The following SLC25A21 variants were observed in gnomAD, a reference collection of about 807,000 sequenced individuals.
The protein encoded by SLC25A21 is solute carrier family 25 member 21.
SLC25A21 carries 47 observed loss-of-function variants against 43.8 expected under a neutral mutation model. The observed-to-expected ratio is 1.07, with a 90% CI of 0.85 to 1.37. The LOEUF (loss-of-function observed/expected upper bound fraction) is 1.37, where lower values mean the gene tolerates loss of function less well. SLC25A21 is among the 40% of genes most tolerant of loss of function. The pLI, the probability that SLC25A21 is intolerant of heterozygous loss-of-function variation, is 0.00. For missense variants in SLC25A21, 352 were observed against 350.2 expected (o/e 1.00, Z -0.04); for synonymous variants, 131 against 121.3 (o/e 1.08, Z -0.52).
chr14:37,030,585 T>C (rs527588483), intron 1 of SLC25A21, among the ~76,000 whole-genome samples: 8 of 152,358 alleles, frequency 5.3e-5, no homozygotes, highest in African/African-American at 1.2e-4. Context: ...AGATATTATA[T>C]ACCTTGCTAG....
intron 3 of SLC25A21, among the ~76,000 whole-genome samples, chr14:36,737,525 C>T (rs1885091932): frequency 6.6e-6 from 1 of 152,180 alleles, no homozygotes; most frequent in African/African-American, 2.4e-5. Flanking sequence ...TCAAAGACCA[C>T]AGGCAGCCTT....
At chr14:36,741,110 C>T (rs1885239807) in intron 3 of SLC25A21, among the ~76,000 whole-genome samples, 1 of 151,912 alleles carries the variant, frequency 6.6e-6, no homozygotes, top group Non-Finnish European at 1.5e-5. Flanking sequence ...CTCCTTTTAC[C>T]CCTCTGAGTC....
At chr14:36,960,477 T>A (rs186154993) in intron 1 of SLC25A21, among the ~76,000 whole-genome samples, 15 of 152,256 alleles carry the variant, frequency 9.9e-5, no homozygotes, top group Admixed American at 9.8e-4. Context: ...ATAGTAAGAT[T>A]TGCATGTAAT....
chr14:37,035,315 G>A (rs1387202239), intron 1 of SLC25A21, among the ~76,000 whole-genome samples: 3 of 152,130 alleles, frequency 2.0e-5, no homozygotes, highest in South Asian at 2.1e-4. Flanking sequence ...TTTAAGTGCC[G>A]AAAACACTGG....
intron 2 of SLC25A21, among the ~76,000 whole-genome samples, chr14:36,816,012 C>G (rs1888443273): frequency 6.6e-6 from 1 of 152,122 alleles, no homozygotes. Flanking sequence ...TTTTATAGTT[C>G]TAGGCCTCAC....
At chr14:36,892,074 T>C (rs555835153) in intron 1 of SLC25A21, among the ~76,000 whole-genome samples, 1 of 152,218 alleles carries the variant, frequency 6.6e-6, no homozygotes, top group African/African-American at 2.4e-5. Context: ...ACATTATGTG[T>C]CCAAACATAG....
At chr14:36,913,426 C>T (rs1891743784) in intron 1 of SLC25A21, among the ~76,000 whole-genome samples, 1 of 152,152 alleles carries the variant, frequency 6.6e-6, no homozygotes, top group Non-Finnish European at 1.5e-5. Context: ...CAGGCTCAGG[C>T]CAACACACCC....
chr14:37,038,511 T>C (rs1024063041), intron 1 of SLC25A21, among the ~76,000 whole-genome samples: 1 of 152,164 alleles, frequency 6.6e-6, no homozygotes, highest in Non-Finnish European at 1.5e-5. Flanking sequence ...CATGAATACA[T>C]TCAGTCTTTT....
intron 1 of SLC25A21, among the ~76,000 whole-genome samples, chr14:36,969,673 A>G (rs1375114127): frequency 2.0e-5 from 3 of 151,706 alleles, no homozygotes; most frequent in Non-Finnish European, 4.4e-5. Context: ...AAAAAAATTT[A>G]TGGAGATGGG....
At chr14:36,860,379 G>A (rs902816828) in intron 2 of SLC25A21, among the ~76,000 whole-genome samples, 1 of 152,204 alleles carries the variant, frequency 6.6e-6, no homozygotes, top group Non-Finnish European at 1.5e-5. Context: ...AAGCCTCCAA[G>A]ACCATGTAGG....
intron 1 of SLC25A21, among the ~76,000 whole-genome samples, chr14:37,018,817 C>G (rs1960920361): frequency 6.6e-6 from 1 of 151,954 alleles, no homozygotes; most frequent in Non-Finnish European, 1.5e-5. Flanking sequence ...AATTTCAACA[C>G]AAATGACTTC....
chr14:36,874,124 G>A (rs1486534457), intron 2 of SLC25A21, among the ~76,000 whole-genome samples: 2 of 152,216 alleles, frequency 1.3e-5, no homozygotes, highest in East Asian at 3.8e-4. Context: ...TTTTTAGGTA[G>A]AGTAAGTAAC....
chr14:36,986,422 C>T lies in SLC25A21; in HGVS notation c.71-111418G>A, dbSNP rs148628967. Among the ~76,000 whole-genome samples the T allele has an allele frequency of 3.1e-3, 469 of 152,258 alleles. 1 individual carries two copies. Among genetic ancestry groups the T allele is most frequent in the African/African-American group, 0.01 (422 of 41,558 alleles). On this transcript the variant is annotated intron_variant, in intron 1 of 9. Coordinates refer to ENST00000331299, the MANE Select transcript of SLC25A21 (RefSeq NM_030631.4). Reference sequence around the variant, plus strand: ...CTGACCCTATTGGACCTCCACTCCACTTGACTGCTTAAGTGACCCTCATAA... The same window carrying T: ...CTGACCCTATTGGACCTCCACTCCATTTGACTGCTTAAGTGACCCTCATAA...
chr14:36,696,432 T>C (rs1304324876), intron 7 of SLC25A21, among the ~76,000 whole-genome samples: 1 of 152,228 alleles, frequency 6.6e-6, no homozygotes, highest in Non-Finnish European at 1.5e-5. Context: ...TAAAATGCGT[T>C]AGGGAGGATT....
chr14:37,062,210 C>A (rs1961962170), intron 1 of SLC25A21, among the ~76,000 whole-genome samples: 1 of 152,122 alleles, frequency 6.6e-6, no homozygotes, highest in South Asian at 2.1e-4. Context: ...TAACTTTCAC[C>A]AATGTGTTGA....
chr14:37,101,242 TACAA>T (rs769234797), intron 1 of SLC25A21, among the ~76,000 whole-genome samples: 12 of 152,338 alleles, frequency 7.9e-5, no homozygotes, highest in South Asian at 2.1e-4. Context: ...AAATTTCCAC[TACAA>T]ACAGTCTATA....
intron 1 of SLC25A21, among the ~76,000 whole-genome samples, chr14:37,162,159 C>T (rs914517025): frequency 1.2e-4 from 19 of 152,034 alleles, no homozygotes; most frequent in Non-Finnish European, 2.2e-4. Context: ...CCAGAAGGAG[C>T]CAACCCTGCC....
At chr14:36,684,974 A>C in intron 7 of SLC25A21, 49 bp from the exon 8 acceptor site, 1 of 1,487,836 alleles carries the variant, frequency 6.7e-7, no homozygotes, top group Non-Finnish European at 9.2e-7. Context: ...GGAAGCCCCT[A>C]AATCAGTTAA....
At chr14:36,815,243 G>A (rs1888415136) in intron 2 of SLC25A21, among the ~76,000 whole-genome samples, 3 of 152,030 alleles carry the variant, frequency 2.0e-5, no homozygotes, top group East Asian at 3.9e-4. Flanking sequence ...CCTGTAAGAC[G>A]GGTTGATAGG....
Sources: gnomAD v4.1 joint callset for allele counts (sites outside exome capture counted in the v4.1 genomes callset) on GRCh38, gnomAD v4.1.1 for gene constraint, MANE v1.5 for transcripts, NCBI Gene and HGNC (gene_info 2026-07-23, HGNC 2026-07-21) for gene names.